Variants in RGS6 observed in about 807,000 individuals in gnomAD.
RGS6 encodes regulator of G protein signaling 6, also known as regulator of G-protein signaling 6.
Under a neutral mutation model 78.5 loss-of-function variants are expected in RGS6, and 30 were observed. The observed-to-expected ratio is 0.38, with a 90% CI of 0.29 to 0.52. The LOEUF is 0.52. Ranked by LOEUF, RGS6 falls within the 20% of genes least tolerant of loss-of-function variation. The probability of loss-of-function intolerance (pLI) is 0.85; values close to 1 mark genes in which losing one functional copy is unlikely to be tolerated. For missense variants in RGS6, 495 were observed against 609.7 expected, an observed-to-expected ratio of 0.81 and a Z score of 1.98; for synonymous variants, 206 against 206.0, an observed-to-expected ratio of 1.00 and a Z score of 0.00.
chr14:72,531,258 C>T (rs2097179007), intron 15 of RGS6, among the ~76,000 whole-genome samples: 1 of 152,056 alleles, frequency 6.6e-6, no homozygotes, highest in Non-Finnish European at 1.5e-5. Context: ...CATGGGGAAA[C>T]CCCGTATCCA....
At chr14:72,223,402 A>G (rs2047350082) in intron 2 of RGS6, among the ~76,000 whole-genome samples, 1 of 152,230 alleles carries the variant, frequency 6.6e-6, no homozygotes, top group Admixed American at 6.5e-5. Context: ...TGTCACCTCT[A>G]ATAGGGCGTA....
rs573080428 is a variant in RGS6, at chr14:72,397,819, T to G, written c.184+45625T>G. ...ATCTTTTGAGATAATCATGTGGTTTTTGTCTTTGGTTCTGTTTATATGCTG... is the reference window on the plus strand; with the variant it reads ...ATCTTTTGAGATAATCATGTGGTTTGTGTCTTTGGTTCTGTTTATATGCTG... On this transcript the variant is annotated intron_variant, in intron 3 of 17. Transcript: ENST00000553525. Among the ~76,000 whole-genome samples, 7 of 152,354 alleles carry G rather than the reference T, an allele frequency of 4.6e-5. No individual in the cohort carries two copies. In the South Asian group the frequency reaches 1.2e-3, roughly 27 times the overall value.
In RGS6 at chr14:72,259,468, G is replaced by T. The variant is rs113341212; in HGVS notation, c.85-92627G>T. ...ATCCTTGTAGTAGGCTCAGCAGTAC[G>T]CTTCATAAGGCTGAGAATCCCTGAG... On this transcript the variant is annotated intron_variant, in intron 2 of 17. Coordinates refer to ENST00000553525, the MANE Select transcript of RGS6 (RefSeq NM_001204424.2). 9.5e-3 allele frequency among the ~76,000 whole-genome samples: 1,448 copies of T among 152,134 alleles called. 11 individuals carry two copies. The highest frequency in any genetic ancestry group is 0.024 in the South Asian group (116 of 4,816).
intron 3 of RGS6, among the ~76,000 whole-genome samples, chr14:72,401,556 C>G (rs578081317): frequency 6.6e-6 from 1 of 151,536 alleles, no homozygotes; most frequent in South Asian, 2.1e-4. Flanking sequence ...GGGCAACTCT[C>G]ATGTGACCCC....
chr14:72,513,627 G>A (rs920133362), intron 14 of RGS6, among the ~76,000 whole-genome samples: 1 of 152,206 alleles, frequency 6.6e-6, no homozygotes, highest in Non-Finnish European at 1.5e-5. Flanking sequence ...GCTCCGCTCA[G>A]TTTCTTGGCC....
chr14:72,548,327 TTGTGTGTGTGTGTGTGCGCGCG>T (rs1351193013), intron 17 of RGS6, among the ~76,000 whole-genome samples: 103 of 147,264 alleles, frequency 7.0e-4, no homozygotes, highest in South Asian at 2.2e-3. Context: ...CAGATCATAT[TTGTGTGTGTGTGTGTGCGCGCG>T]TGTGTGTGTG....
At chr14:72,363,253 A>G (rs949902003) in intron 3 of RGS6, among the ~76,000 whole-genome samples, 2 of 152,222 alleles carry the variant, frequency 1.3e-5, no homozygotes, top group African/African-American at 4.8e-5. Flanking sequence ...CATGAAGTGG[A>G]TGGAAGTTTA....
At chr14:72,366,155 A>AT (rs2082409038) in intron 3 of RGS6, among the ~76,000 whole-genome samples, 2 of 152,118 alleles carry the variant, frequency 1.3e-5, no homozygotes. Flanking sequence ...ATCTTCTATG[A>AT]TTTTGAGTTT....
chr14:72,074,622 G>A (rs1294315024), intron 2 of RGS6, among the ~76,000 whole-genome samples: 1 of 152,096 alleles, frequency 6.6e-6, no homozygotes, highest in Non-Finnish European at 1.5e-5. Flanking sequence ...AACCTTTTGA[G>A]GTTGTACCAG....
chr14:72,256,401 T>C (rs1261387096), intron 2 of RGS6, among the ~76,000 whole-genome samples: 1 of 152,172 alleles, frequency 6.6e-6, no homozygotes, highest in Non-Finnish European at 1.5e-5. Context: ...GGTTTTACAA[T>C]AGTGATGTTA....
intron 2 of RGS6, among the ~76,000 whole-genome samples, chr14:72,020,901 G>A (rs538734797): frequency 5.9e-5 from 9 of 152,292 alleles, no homozygotes; most frequent in South Asian, 4.1e-4. Context: ...AATGGAGTCC[G>A]AGTAGAGAGT....
the RGS6 span, among the ~76,000 whole-genome samples, chr14:71,870,632 G>A: frequency 6.6e-6 from 1 of 152,214 alleles, no homozygotes. Flanking sequence ...AGTTCCTGGG[G>A]AAATGATTTT....
intron 9 of RGS6, chr14:72,474,064 A>C (rs1198389392): frequency 6.6e-6 from 1 of 152,270 alleles, no homozygotes; most frequent in Admixed American, 6.5e-5. Context: ...GGAAACACAC[A>C]TATCAGGCTA....
chr14:72,114,984 T>G (rs191815866), intron 2 of RGS6, among the ~76,000 whole-genome samples: 1 of 152,350 alleles, frequency 6.6e-6, no homozygotes, highest in Non-Finnish European at 1.5e-5. Context: ...AGAGGCACTA[T>G]GTAAGTACGG....
At chr14:72,485,697 C>T (rs1332582810) in intron 12 of RGS6, among the ~76,000 whole-genome samples, 4 of 152,188 alleles carry the variant, frequency 2.6e-5, no homozygotes, top group Non-Finnish European at 2.9e-5. Context: ...AAAATAGAAG[C>T]ATGCCTTGGC....
chr14:72,286,246 G>A (rs2062526433), intron 2 of RGS6, among the ~76,000 whole-genome samples: 1 of 152,092 alleles, frequency 6.6e-6, no homozygotes, highest in African/African-American at 2.4e-5. Context: ...ATTTTTTGCA[G>A]CATAATTTAT....
intron 2 of RGS6, among the ~76,000 whole-genome samples, chr14:72,135,848 A>G (rs1232919019): frequency 1.3e-5 from 2 of 152,044 alleles, no homozygotes; most frequent in African/African-American, 2.4e-5. Context: ...GCTTAAATCT[A>G]CTGTTGAAAT....
the RGS6 span, among the ~76,000 whole-genome samples, chr14:72,603,776 C>T: frequency 6.6e-6 from 1 of 152,068 alleles, no homozygotes; most frequent in African/African-American, 2.4e-5. Flanking sequence ...AAAGTTCCTG[C>T]TTGGGTGGTT....
chr14:72,193,483 A>T (rs1344571884), intron 2 of RGS6, among the ~76,000 whole-genome samples: 2 of 152,116 alleles, frequency 1.3e-5, no homozygotes, highest in Non-Finnish European at 2.9e-5. Context: ...ATATTTACTG[A>T]GCCCCAGTGT....
Sources: allele counts gnomAD v4.1 joint callset (sites outside exome capture counted in the v4.1 genomes callset), GRCh38; gene constraint gnomAD v4.1.1; transcripts MANE v1.5; gene names NCBI Gene and HGNC (gene_info 2026-07-23, HGNC 2026-07-21).